The following NRG3 variants were observed in gnomAD, a reference collection of about 807,000 sequenced individuals.
NRG3 encodes pro-neuregulin-3, membrane-bound isoform.
A neutral mutation model predicts 66.9 loss-of-function variants in NRG3; 31 were observed. That is an observed-to-expected ratio of 0.46 (90% CI 0.35 to 0.63). The LOEUF (loss-of-function observed/expected upper bound fraction) is 0.63. NRG3 is among the 20% of genes least tolerant of loss of function. The probability of loss-of-function intolerance (pLI) is 0.00; values close to 1 mark genes in which losing one functional copy is unlikely to be tolerated. For missense variants in NRG3, 910 were observed against 878.9 expected, an observed-to-expected ratio of 1.04 and a Z score of -0.45; for synonymous variants, 393 against 359.4, an observed-to-expected ratio of 1.09 and a Z score of -1.06.
intron 1 of NRG3, among the ~76,000 whole-genome samples, chr10:82,056,669 A>C (rs1589942883): frequency 6.6e-6 from 1 of 152,140 alleles, no homozygotes; most frequent in Non-Finnish European, 1.5e-5. Context: ...TTCTTTTTTA[A>C]CAGTCTAGTT....
At chr10:82,720,662 C>G (rs2134496997) in intron 2 of NRG3, among the ~76,000 whole-genome samples, 1 of 151,888 alleles carries the variant, frequency 6.6e-6, no homozygotes, top group South Asian at 2.1e-4. Flanking sequence ...TTGTAATGCT[C>G]TCAGCACATG....
chr10:81,879,544 G>T (rs1415545042), intron 1 of NRG3, among the ~76,000 whole-genome samples: 3 of 152,186 alleles, frequency 2.0e-5, no homozygotes, highest in Non-Finnish European at 4.4e-5. Context: ...AAATACTAAA[G>T]ACAAAGAGCC....
chr10:82,492,152 A>T (rs1475077195), intron 2 of NRG3, among the ~76,000 whole-genome samples: 1 of 152,176 alleles, frequency 6.6e-6, no homozygotes. Flanking sequence ...TTTGTCCATC[A>T]CTTCTAAAAC....
rs185167440 is a variant in NRG3 at position 82,399,761 on chromosome 10, A to G, written c.953+40893A>G. Among the ~76,000 whole-genome samples, 8 of 152,326 alleles carry G rather than the reference A, an allele frequency of 5.3e-5. No individual in the cohort carries two copies. The East Asian group carries it at 1.5e-3, about 29-fold the overall frequency. On this transcript the variant is annotated intron_variant, in intron 2 of 8. Transcript: ENST00000372141. ...AATTTTGAGGGGACACAAATATGCA[A>G]TCTATAACAGCAAGGCATTGAGAGT...
chr10:82,327,230 C>T (rs2081919575), intron 1 of NRG3, among the ~76,000 whole-genome samples: 1 of 152,096 alleles, frequency 6.6e-6, no homozygotes, highest in Non-Finnish European at 1.5e-5. Context: ...ACTAGATGCC[C>T]AGTCCATGGC....
intron 1 of NRG3, among the ~76,000 whole-genome samples, chr10:81,894,483 A>T (rs1843330085): frequency 6.6e-6 from 1 of 152,152 alleles, no homozygotes; most frequent in African/African-American, 2.4e-5. Context: ...CTGTATCCTC[A>T]CATGGACCCA....
At chr10:82,195,151 G>A (rs756950833) in intron 1 of NRG3, among the ~76,000 whole-genome samples, 8 of 152,080 alleles carry the variant, frequency 5.3e-5, no homozygotes, top group Admixed American at 2.0e-4. Flanking sequence ...AACAAGAAGC[G>A]TCCATGGTGG....
In NRG3 at chr10:82,029,974, G is replaced by A. The variant is rs571196122; in HGVS notation, c.823+153811G>A. Among the ~76,000 whole-genome samples the A allele has an allele frequency of 4.6e-5, 7 of 152,164 alleles. No individual in the cohort carries two copies. The South Asian group carries it at 6.2e-4, about 14-fold the overall frequency. On this transcript the variant is annotated intron_variant, in intron 1 of 8. Transcript: ENST00000372141. ...CCTCCCTCATGTTGGCAAACAACCT[G>A]TCTAACAAATGTCCCCTTTGACAAA...
intron 2 of NRG3, among the ~76,000 whole-genome samples, chr10:82,387,345 C>T (rs1028104926): frequency 4.6e-5 from 7 of 152,146 alleles, no homozygotes; most frequent in African/African-American, 1.7e-4. Flanking sequence ...GAATGGAATG[C>T]ACACAACTGC....
At position 82,973,930 on chromosome 10, in the gene NRG3, T is replaced by A. The variant is rs774758863; in HGVS notation, c.1412+15T>A. The A allele has an allele frequency of 6.8e-6, 11 of 1,613,522 alleles. No homozygotes were observed. In the South Asian group the frequency reaches 1.2e-4, roughly 18 times the overall value. On this transcript the variant is annotated intron_variant, in intron 7 of 8. Transcript: ENST00000372141. ...AAACACCACAGGTACAAGTAGCTCA[T>A]CATGGTGGGTGTGGGCACCTTCACA... is the stretch of plus-strand genomic sequence containing the variant.
At chr10:82,397,157 C>CT (rs2086768260) in intron 2 of NRG3, among the ~76,000 whole-genome samples, 2 of 152,124 alleles carry the variant, frequency 1.3e-5, no homozygotes, top group Non-Finnish European at 1.5e-5. Context: ...AATGGTCTCC[C>CT]TTTGGCCTCC....
At chr10:82,584,597 T>C (rs2046555172) in intron 2 of NRG3, among the ~76,000 whole-genome samples, 2 of 152,216 alleles carry the variant, frequency 1.3e-5, no homozygotes, top group African/African-American at 4.8e-5. Flanking sequence ...TGGGAATGAA[T>C]ATTTTTATTT....
chr10:82,815,007 G>A (rs1325238354), intron 3 of NRG3, among the ~76,000 whole-genome samples: 1 of 152,190 alleles, frequency 6.6e-6, no homozygotes, highest in Non-Finnish European at 1.5e-5. Flanking sequence ...AACCCACCAT[G>A]CTGATCTGCT....
chr10:82,099,153 T>TA (rs537992941), intron 1 of NRG3, among the ~76,000 whole-genome samples: 3 of 152,188 alleles, frequency 2.0e-5, no homozygotes, highest in East Asian at 1.9e-4. Context: ...CTGTTCTGTA[T>TA]AAAAAAAACT....
At chr10:82,238,000 C>T (rs1156881686) in intron 1 of NRG3, among the ~76,000 whole-genome samples, 1 of 152,056 alleles carries the variant, frequency 6.6e-6, no homozygotes, top group Non-Finnish European at 1.5e-5. Context: ...TTTAAGATGT[C>T]TTTCAGCAAT....
chr10:82,677,113 G>A (rs535350836), intron 2 of NRG3, among the ~76,000 whole-genome samples: 22 of 148,104 alleles, frequency 1.5e-4, no homozygotes, highest in East Asian at 8.0e-4. Flanking sequence ...AGGCTGGGGC[G>A]CAGTGGCATG....
intron 2 of NRG3, among the ~76,000 whole-genome samples, chr10:82,471,101 G>C (rs1354855354): frequency 6.6e-6 from 1 of 152,110 alleles, no homozygotes; most frequent in East Asian, 1.9e-4. Context: ...CTTGTCACAT[G>C]ACCATGAAAG....
chr10:82,367,479 T>C (rs1005025902), intron 2 of NRG3, among the ~76,000 whole-genome samples: 2 of 152,164 alleles, frequency 1.3e-5, no homozygotes, highest in African/African-American at 4.8e-5. Flanking sequence ...TCTGATTATT[T>C]AAAGAAGATC....
At chr10:82,370,293 G>A (rs1250816941) in intron 2 of NRG3, among the ~76,000 whole-genome samples, 1 of 137,772 alleles carries the variant, frequency 7.3e-6, no homozygotes, top group Non-Finnish European at 1.5e-5. Context: ...TGGGGATGGA[G>A]TGGGAAGGTG....
Sources: gnomAD v4.1 joint callset for allele counts (sites outside exome capture counted in the v4.1 genomes callset) on GRCh38, gnomAD v4.1.1 for gene constraint, MANE v1.5 for transcripts, NCBI Gene and HGNC (gene_info 2026-07-23, HGNC 2026-07-21) for gene names.